DLGAP2: variants seen among roughly 807,000 people sequenced by gnomAD.
The protein encoded by DLGAP2 is disks large-associated protein 2.
A neutral mutation model predicts 100.3 loss-of-function variants in DLGAP2; 26 were observed. The observed-to-expected ratio is 0.26, with a 90% CI of 0.19 to 0.36. DLGAP2 has a LOEUF of 0.36. DLGAP2 is among the 10% of genes least tolerant of loss of function. The pLI is 1.00. For missense variants in DLGAP2, 1,858 were observed against 1,453.2 expected (o/e 1.28, Z -4.53); for synonymous variants, 886 against 630.1 (o/e 1.41, Z -6.08).
chr8:794,810 G>C (rs1385059552), intron 1 of DLGAP2, among the ~76,000 whole-genome samples: 2 of 152,168 alleles, frequency 1.3e-5, no homozygotes, highest in African/African-American at 4.8e-5. Flanking sequence ...TCTAGCTGCA[G>C]GATGGGGTCC....
At chr8:892,903 TC>T (rs1309956289) in intron 1 of DLGAP2, 2 of 149,200 alleles carry the variant, frequency 1.3e-5, no homozygotes, top group Admixed American at 1.3e-4. Flanking sequence ...CATGGACAGG[TC>T]CCCACCCCCA....
chr8:1,284,243 C>A (rs570861171), intron 3 of DLGAP2, among the ~76,000 whole-genome samples: 1 of 152,236 alleles, frequency 6.6e-6, no homozygotes, highest in East Asian at 1.9e-4. Context: ...CTTACATTTC[C>A]AGGAGAGATT....
intron 3 of DLGAP2, among the ~76,000 whole-genome samples, chr8:1,291,339 A>C (rs1397966146): frequency 1.3e-5 from 2 of 152,196 alleles, no homozygotes; most frequent in African/African-American, 4.8e-5. Flanking sequence ...GTGAAAATGG[A>C]AACCAGAAGC....
intron 2 of DLGAP2, among the ~76,000 whole-genome samples, chr8:1,237,082 C>T (rs1336470358): frequency 3.0e-5 from 4 of 133,288 alleles, no homozygotes; most frequent in East Asian, 2.2e-4. Context: ...CACATGGCGC[C>T]GTGTCTAGTT....
chr8:1,659,922 AG>A (rs1432592299), intron 8 of DLGAP2, among the ~76,000 whole-genome samples: 1 of 152,084 alleles, frequency 6.6e-6, no homozygotes, highest in Non-Finnish European at 1.5e-5. Flanking sequence ...TAGTTGATGT[AG>A]TTTCTTCATA....
At chr8:1,250,736 G>A (rs1210612975) in intron 2 of DLGAP2, among the ~76,000 whole-genome samples, 2 of 152,078 alleles carry the variant, frequency 1.3e-5, no homozygotes, top group Admixed American at 6.5e-5. Flanking sequence ...TAAAAAAAAT[G>A]GAATGAGACT....
intron 2 of DLGAP2, among the ~76,000 whole-genome samples, chr8:1,187,731 C>T (rs1484918766): frequency 2.7e-5 from 4 of 147,060 alleles, no homozygotes; most frequent in African/African-American, 5.2e-5. Context: ...ATCTCACACG[C>T]CCGAGACTTC....
intron 3 of DLGAP2, among the ~76,000 whole-genome samples, chr8:1,275,886 TATATA>T (rs1799678735): frequency 8.1e-6 from 1 of 122,730 alleles, no homozygotes; most frequent in African/African-American, 3.3e-5. Flanking sequence ...TATAAATAAA[TATATA>T]ATATATAAAT....
chr8:1,536,774 GT>G (rs1801166231), intron 4 of DLGAP2, among the ~76,000 whole-genome samples: 1 of 152,220 alleles, frequency 6.6e-6, no homozygotes, highest in Non-Finnish European at 1.5e-5. Context: ...TCTCTCCCAA[GT>G]TTTCCCACCT....
chr8:1,381,914 C>A (rs900045390), intron 3 of DLGAP2, among the ~76,000 whole-genome samples: 3 of 151,626 alleles, frequency 2.0e-5, no homozygotes, highest in Admixed American at 1.3e-4. Flanking sequence ...ATGTACGTTT[C>A]TTGTCTGAAC....
At chr8:989,472 A>G (rs980612764) in intron 2 of DLGAP2, among the ~76,000 whole-genome samples, 3 of 152,246 alleles carry the variant, frequency 2.0e-5, no homozygotes, top group African/African-American at 7.2e-5. Flanking sequence ...TCTGTCCTCT[A>G]CATCTGGGGT....
chr8:985,315 G>A (rs1775406732), intron 2 of DLGAP2, among the ~76,000 whole-genome samples: 2 of 152,248 alleles, frequency 1.3e-5, no homozygotes, highest in Admixed American at 1.3e-4. Flanking sequence ...TGTTGGCATG[G>A]TGGGTACATA....
intron 1 of DLGAP2, among the ~76,000 whole-genome samples, chr8:906,905 A>G (rs909780698): frequency 1.6e-4 from 24 of 152,168 alleles, no homozygotes; most frequent in African/African-American, 5.3e-4. Context: ...CTTGTTTTCA[A>G]TTGATTATAT....
chr8:1,005,368 G>A (rs960365131), intron 2 of DLGAP2, among the ~76,000 whole-genome samples: 1 of 151,290 alleles, frequency 6.6e-6, no homozygotes, highest in Non-Finnish European at 1.5e-5. Flanking sequence ...AATAGTTGAT[G>A]CCCATGTTGT....
intron 1 of DLGAP2, among the ~76,000 whole-genome samples, chr8:808,073 G>C (rs758358589): frequency 9.2e-5 from 14 of 152,130 alleles, no homozygotes; most frequent in Non-Finnish European, 1.5e-4. Flanking sequence ...ATAATTTTAC[G>C]CTCATCTGTG....
chr8:1,242,474 G>A (rs1234665136), intron 2 of DLGAP2, among the ~76,000 whole-genome samples: 1 of 152,184 alleles, frequency 6.6e-6, no homozygotes, highest in South Asian at 2.1e-4. Context: ...TGTTTCTTAT[G>A]AAATGTCCCA....
chr8:873,615 G>C (rs1050789904), intron 1 of DLGAP2, among the ~76,000 whole-genome samples: 2 of 151,978 alleles, frequency 1.3e-5, no homozygotes, highest in African/African-American at 2.4e-5. Context: ...ATATTTATGA[G>C]ATATTCATCT....
At chr8:1,213,649 C>A (rs1052487057) in intron 2 of DLGAP2, among the ~76,000 whole-genome samples, 19 of 152,180 alleles carry the variant, frequency 1.2e-4, no homozygotes, top group African/African-American at 4.3e-4. Flanking sequence ...TCCCGTCTTT[C>A]TCTGGGCTCT....
chr8:926,456 A>G (rs2129002427), intron 2 of DLGAP2, among the ~76,000 whole-genome samples: 1 of 152,118 alleles, frequency 6.6e-6, no homozygotes, highest in East Asian at 1.9e-4. Context: ...TCCATCCACG[A>G]TGGTAATTTC....
Sources: gnomAD v4.1 joint callset for allele counts (sites outside exome capture counted in the v4.1 genomes callset) on GRCh38, gnomAD v4.1.1 for gene constraint, MANE v1.5 for transcripts, NCBI Gene and HGNC (gene_info 2026-07-23, HGNC 2026-07-21) for gene names.